Variants in LHFPL5 observed in about 807,000 individuals in gnomAD.
LHFPL5 encodes the protein LHFPL tetraspan subfamily member 5 protein.
LHFPL5 carries 12 observed loss-of-function variants against 18.7 expected under a neutral mutation model. That is an observed-to-expected ratio of 0.64 (90% confidence interval 0.41 to 1.04). The LOEUF (loss-of-function observed/expected upper bound fraction) is 1.04, where lower values mean the gene tolerates loss of function less well. LHFPL5 is among the 50% of genes least tolerant of loss of function. The pLI is 0.00. For missense variants in LHFPL5, 259 were observed against 292.1 expected (o/e 0.89, Z 0.83); for synonymous variants, 111 against 120.2 (o/e 0.92, Z 0.50).
intron 2 of LHFPL5, among the ~76,000 whole-genome samples, chr6:35,818,335 ATATATATATATATGTAT>A (rs1561955504): frequency 4.1e-3 from 31 of 7,652 alleles, no homozygotes; most frequent in Non-Finnish European, 7.0e-3. Flanking sequence ...ATATATATAT[ATATATATATATATGTAT>A]TTTTTTTTTT....
intron 3 of LHFPL5, among the ~76,000 whole-genome samples, chr6:35,820,169 T>C (rs1008678525): frequency 6.6e-6 from 1 of 152,024 alleles, no homozygotes; most frequent in East Asian, 1.9e-4. Context: ...CCTAATAAAA[T>C]AGAAAATAAA....
At chr6:35,816,841 C>G (rs1184924091) in intron 2 of LHFPL5, among the ~76,000 whole-genome samples, 1 of 148,760 alleles carries the variant, frequency 6.7e-6, no homozygotes, top group Non-Finnish European at 1.5e-5. Flanking sequence ...GGAAATAAAC[C>G]CAAACATTTA....
In LHFPL5 at chr6:35,805,721, C is replaced by A. The variant is rs1159620695; in HGVS notation, c.51C>A (p.Asn17Lys). ...AGGCAGCCAAGATCTACCATACCAA[C>A]TATGTGCGGAACTCGCGAGCCGTGG... Reference protein sequence around the residue: ...AQEAAKIYHTNYVRNSRAVGV... With the variant: ...AQEAAKIYHTKYVRNSRAVGV... The change falls in exon 1 of 4, where the codon AAC (asparagine) becomes AAA (lysine). Residue 17 changes from asparagine (N) to lysine (K), a missense_variant. Asn to Lys is a moderately conservative substitution (Grantham distance 94). Transcript: ENST00000360215. This position sits in a 1 kb window ranked among gnomAD's most constrained non-coding sequence, Gnocchi z 4.3. 2 of 1,614,222 alleles carry A rather than the reference C, an allele frequency of 1.2e-6. No homozygotes were observed. Among genetic ancestry groups the A allele is most frequent in the East Asian group, 2.2e-5 (1 of 44,870 alleles).
intron 1 of LHFPL5, among the ~76,000 whole-genome samples, chr6:35,810,111 A>T (rs540922920): frequency 7.3e-4 from 111 of 152,322 alleles, no homozygotes; most frequent in African/African-American, 2.6e-3. Flanking sequence ...GTCTAGCTAT[A>T]CTTTTGTATC....
Position 35,814,603 on chromosome 6 carries a change from T to C in LHFPL5, c.470T>C (p.Val157Ala). The change falls in exon 2 of 4, where the codon GTG becomes GCG. Residue 157 changes from valine (V) to alanine (A), a missense_variant. Physicochemically the swap from Val to Ala is moderately conservative, Grantham distance 64. Transcript: ENST00000360215. The surrounding 1 kb of genome is among the most constrained non-coding windows in gnomAD (Gnocchi z 4.2). Reference sequence around the variant, plus strand: ...CCTGATGGTTGGGACTCAAGTGAGGTGCGGCGCATGTGTGGGGAGCAGACG... The same window carrying C: ...CCTGATGGTTGGGACTCAAGTGAGGCGCGGCGCATGTGTGGGGAGCAGACG... The part of the protein sequence containing the change: ...VYPDGWDSSE[V>A]RRMCGEQTGK... 1.2e-6 allele frequency: 2 copies of C among 1,614,052 alleles called. No individual in the cohort carries two copies. The highest frequency in any genetic ancestry group is 1.7e-6 in the Non-Finnish European group (2 of 1,180,004).
chr6:35,821,449 TTGTGTGTGTGTG>T (rs34049571), intron 3 of LHFPL5, among the ~76,000 whole-genome samples: 45 of 120,438 alleles, frequency 3.7e-4, no homozygotes, highest in African/African-American at 8.3e-4. Context: ...AGCATAATCT[TTGTGTGTGTGTG>T]TGTGTGTGTG....
chr6:35,817,187 G>A (rs1039522151), intron 2 of LHFPL5, among the ~76,000 whole-genome samples: 2 of 152,072 alleles, frequency 1.3e-5, no homozygotes, highest in African/African-American at 4.8e-5. Flanking sequence ...TGGGTGTGGT[G>A]GTGGGCACCT....
At chr6:35,813,792 C>CTTTTTT (rs1012092184) in intron 1 of LHFPL5, among the ~76,000 whole-genome samples, 38 of 121,528 alleles carry the variant, frequency 3.1e-4, no homozygotes, top group Non-Finnish European at 4.5e-4. Flanking sequence ...TTTCCTTTTC[C>CTTTTTT]TTTTTTTTTT....
At position 35,805,924 on chromosome 6, in the gene LHFPL5, A is replaced by G. The variant is rs1377263630; in HGVS notation, c.254A>G (p.Asp85Gly). 1.2e-6 allele frequency: 2 copies of G among 1,613,828 alleles called. No individual in the cohort carries two copies. The highest frequency in any genetic ancestry group is 1.7e-6 in the Non-Finnish European group (2 of 1,179,980). The change falls in exon 1 of 4, where the codon GAC becomes GGC. Residue 85 changes from aspartate to glycine, a missense_variant. Asp to Gly is a moderately conservative substitution (Grantham distance 94). Coordinates refer to ENST00000360215, the MANE Select transcript of LHFPL5 (RefSeq NM_182548.4). This position sits in a 1 kb window ranked among gnomAD's most constrained non-coding sequence, Gnocchi z 4.3. ...SELICKGGPL[D>G]FSSIPSRAFK... Reference sequence around the variant, plus strand: ...CTCATCTGCAAGGGCGGCCCCCTAGACTTCTCCTCCATCCCCTCTAGAGCC... The same window carrying G: ...CTCATCTGCAAGGGCGGCCCCCTAGGCTTCTCCTCCATCCCCTCTAGAGCC...
At chr6:35,816,217 G>A (rs1476515525) in intron 2 of LHFPL5, among the ~76,000 whole-genome samples, 3 of 147,442 alleles carry the variant, frequency 2.0e-5, no homozygotes, top group African/African-American at 5.0e-5. Context: ...GCGGTGGCTC[G>A]CAGCTGTAGT....
intron 2 of LHFPL5, 72 bp from the exon 3 acceptor site, chr6:35,819,365 G>A: frequency 7.3e-7 from 1 of 1,369,564 alleles, no homozygotes; most frequent in South Asian, 1.2e-5. Context: ...TTTGGAGATG[G>A]AGTAGTGTGC....
At chr6:35,816,147 C>T (rs1014022422) in intron 2 of LHFPL5, among the ~76,000 whole-genome samples, 7 of 145,702 alleles carry the variant, frequency 4.8e-5, no homozygotes, top group South Asian at 4.3e-4. Flanking sequence ...GTCCGCAGTC[C>T]GGCCTGGGTG....
chr6:35,820,199 A>G (rs1416192173), intron 3 of LHFPL5, among the ~76,000 whole-genome samples: 1 of 152,192 alleles, frequency 6.6e-6, no homozygotes. Flanking sequence ...CAGAAAAACA[A>G]ATATTCAAAA....
intron 2 of LHFPL5, among the ~76,000 whole-genome samples, chr6:35,818,842 C>T (rs6933241): frequency 0.45 from 67,179 of 150,020 alleles, 16,271 homozygotes; most frequent in African/African-American, 0.64. Flanking sequence ...TATTTTTTTT[C>T]CTTTGAGACA....
At chr6:35,809,014 G>A (rs1030270967) in intron 1 of LHFPL5, among the ~76,000 whole-genome samples, 1 of 152,180 alleles carries the variant, frequency 6.6e-6, no homozygotes, top group African/African-American at 2.4e-5. Context: ...CCCATATCCA[G>A]CAGCTGGGAG....
chr6:35,810,570 A>G (rs1768648150), intron 1 of LHFPL5, among the ~76,000 whole-genome samples: 1 of 152,156 alleles, frequency 6.6e-6, no homozygotes, highest in Admixed American at 6.5e-5. Context: ...CAAAAAAATT[A>G]GACAGGTGAC....
At position 35,818,761 on chromosome 6, in the gene LHFPL5, CT is replaced by C. The variant is rs201943402; in HGVS notation, c.650-665del. ...CAAGTGATTAATAAATTAGTTCTCCCTTTTTTTTTTTGATGCCACAGTAGCA... is the reference window on the plus strand; with the variant it reads ...CAAGTGATTAATAAATTAGTTCTCCCTTTTTTTTTTGATGCCACAGTAGCA... On this transcript the variant is annotated intron_variant, in intron 2 of 3. Coordinates refer to ENST00000360215, the MANE Select transcript of LHFPL5 (RefSeq NM_182548.4). Among the ~76,000 whole-genome samples, 1,444 of 146,344 alleles carry C rather than the reference CT, an allele frequency of 9.9e-3. 16 individuals are homozygous for C. The highest frequency in any genetic ancestry group is 0.025 in the African/African-American group (998 of 40,000).
At chr6:35,818,176 G>C (rs997250937) in intron 2 of LHFPL5, among the ~76,000 whole-genome samples, 1 of 151,934 alleles carries the variant, frequency 6.6e-6, no homozygotes, top group Non-Finnish European at 1.5e-5. Flanking sequence ...CAAATCCATA[G>C]AAACAGAAAG....
At chr6:35,816,855 C>A (rs1281715967) in intron 2 of LHFPL5, among the ~76,000 whole-genome samples, 2 of 149,974 alleles carry the variant, frequency 1.3e-5, no homozygotes, top group Non-Finnish European at 3.0e-5. Context: ...ACATTTATGG[C>A]CAATTTATTT....
Sources: allele counts gnomAD v4.1 joint callset (sites outside exome capture counted in the v4.1 genomes callset), GRCh38; gene constraint gnomAD v4.1.1; non-coding constraint Gnocchi (gnomAD v3.1); transcripts MANE v1.5; gene names NCBI Gene and HGNC (gene_info 2026-07-23, HGNC 2026-07-21).